Variants in BICRAL observed in about 807,000 individuals in gnomAD.
BICRAL encodes the protein BICRA like chromatin remodeling complex associated protein, also known as BRD4-interacting chromatin-remodeling complex-associated protein-like.
Under a neutral mutation model 91.8 loss-of-function variants are expected in BICRAL, and 8 were observed. The observed-to-expected ratio is 0.09, with a 90% CI of 0.05 to 0.16. The LOEUF (loss-of-function observed/expected upper bound fraction) is 0.16. BICRAL is among the 10% of genes least tolerant of loss of function. The probability of loss-of-function intolerance (pLI) is 1.00; values close to 1 mark genes in which losing one functional copy is unlikely to be tolerated. For synonymous variants in BICRAL, 445 were observed against 491.1 expected, an observed-to-expected ratio of 0.91 and a Z score of 1.24; for missense variants, 1,038 against 1,310.9, an observed-to-expected ratio of 0.79 and a Z score of 3.21.
At chr6:42,854,691 T>C (rs1026050872) in intron 8 of BICRAL, among the ~76,000 whole-genome samples, 8 of 151,996 alleles carry the variant, frequency 5.3e-5, no homozygotes, top group Admixed American at 2.0e-4. Context: ...CTAATATTTT[T>C]ATATTTTTTT....
chr6:42,814,388 T>TTA, intron 2 of BICRAL, among the ~76,000 whole-genome samples: 1 of 144,960 alleles, frequency 6.9e-6, no homozygotes, highest in East Asian at 2.0e-4. Flanking sequence ...TATATATAAA[T>TTA]TATATATATA....
At position 42,798,135 on chromosome 6, in the gene BICRAL, C is replaced by T. The variant is rs77011821; in HGVS notation, c.-101-12171C>T. Among the ~76,000 whole-genome samples, 641 of 151,354 alleles carry T rather than the reference C, an allele frequency of 4.2e-3. 4 individuals are homozygous for T. Among genetic ancestry groups the T allele is most frequent in the African/African-American group, 0.014 (596 of 41,268 alleles). ...TTCTCACTAATAAGTAGGAGCTAAA[C>T]AATGGTACGCATGGACATAAAGATG... is the stretch of plus-strand genomic sequence containing the variant. On this transcript the variant is annotated intron_variant, in intron 1 of 12. Coordinates refer to ENST00000314073, the MANE Select transcript of BICRAL (RefSeq NM_001393499.1).
At chr6:42,811,430 A>G (rs1028631217) in intron 2 of BICRAL, among the ~76,000 whole-genome samples, 5 of 152,012 alleles carry the variant, frequency 3.3e-5, no homozygotes, top group Non-Finnish European at 7.4e-5. Context: ...AGACCATCCT[A>G]GCCAACATGG....
At chr6:42,768,692 C>T (rs1302521535) in intron 1 of BICRAL, among the ~76,000 whole-genome samples, 1 of 152,182 alleles carries the variant, frequency 6.6e-6, no homozygotes, top group Non-Finnish European at 1.5e-5. Context: ...TGAGAATCTG[C>T]TTTCTTCCCC....
Position 42,828,721 on chromosome 6 carries a change from A to G in BICRAL, c.388A>G (p.Ile130Val). 6.2e-7 allele frequency: 1 copy of G among 1,614,206 alleles called. No individual in the cohort carries two copies. Among genetic ancestry groups the G allele is most frequent in the South Asian group, 1.1e-5 (1 of 91,088 alleles). Residue 130 changes from isoleucine (I) to valine (V), a missense_variant, in exon 6 of 13, where the codon ATA becomes GTA. Physicochemically the swap from Ile to Val is conservative, Grantham distance 29 (BLOSUM62 3). Coordinates refer to ENST00000314073, the MANE Select transcript of BICRAL (RefSeq NM_001393499.1). ...LAEEAYLDAS[I>V]GSSQQFAQAQ... ...AGAAGAGGCATATTTGGATGCCAGT[A>G]TAGGTTCAAGCCAACAGTTTGCACA...
chr6:42,845,693 A>C (rs1007026482), intron 6 of BICRAL, among the ~76,000 whole-genome samples: 1 of 152,018 alleles, frequency 6.6e-6, no homozygotes, highest in Non-Finnish European at 1.5e-5. Flanking sequence ...CAAACCAAGC[A>C]TTTAACAGCC....
At chr6:42,840,335 C>T (rs556272383) in intron 6 of BICRAL, among the ~76,000 whole-genome samples, 6 of 151,840 alleles carry the variant, frequency 4.0e-5, no homozygotes, top group South Asian at 2.1e-4. Flanking sequence ...CTCTGCCTCC[C>T]GGGTTCAAGC....
Position 42,852,300 on chromosome 6 carries a change from C to T in BICRAL, c.1945+103C>T, listed in dbSNP as rs141174137. On this transcript the variant is annotated intron_variant, in intron 7 of 12. Transcript: ENST00000314073. ...CGAAAGCTTTCTGGCTTAATCTCGT[C>T]TCCACTCCGATTATTCCTTTCTTTC... 1.2e-3 allele frequency: 905 copies of T among 741,456 alleles called. 5 individuals carry two copies. The African/African-American group carries it at 0.013, about 11-fold the overall frequency. 45.9% of individuals were successfully genotyped at this position (741,456 alleles called of 1,614,324 possible).
chr6:42,826,231 CTT>C (rs763034286), intron 5 of BICRAL, among the ~76,000 whole-genome samples: 43 of 116,832 alleles, frequency 3.7e-4, no homozygotes, highest in Admixed American at 4.4e-4. Flanking sequence ...AACTCATGTT[CTT>C]TTTTTTTTTT....
chr6:42,835,666 C>A (rs929892373), intron 6 of BICRAL, among the ~76,000 whole-genome samples: 2 of 152,150 alleles, frequency 1.3e-5, no homozygotes, highest in Non-Finnish European at 2.9e-5. Context: ...GTTGCGGTGT[C>A]TCATGCCTGT....
At chr6:42,753,537 T>C (rs1762413033) in intron 1 of BICRAL, among the ~76,000 whole-genome samples, 1 of 152,010 alleles carries the variant, frequency 6.6e-6, no homozygotes, top group African/African-American at 2.4e-5. Context: ...CTGGAGGAAA[T>C]GGTACTTAAA....
At chr6:42,776,822 C>G (rs1283007617) in intron 1 of BICRAL, among the ~76,000 whole-genome samples, 1 of 152,180 alleles carries the variant, frequency 6.6e-6, no homozygotes, top group African/African-American at 2.4e-5. Flanking sequence ...AGAGAGAACT[C>G]TAAACCATTA....
chr6:42,833,220 T>C (rs1764545981), intron 6 of BICRAL, among the ~76,000 whole-genome samples: 1 of 151,518 alleles, frequency 6.6e-6, no homozygotes, highest in African/African-American at 2.4e-5. Flanking sequence ...CATGCCTGGC[T>C]AGTTTTTTGT....
chr6:42,779,223 AACACACACACACACACACAC>A (rs57493144), upstream of BICRAL, among the ~76,000 whole-genome samples: 250 of 132,522 alleles, frequency 1.9e-3, no homozygotes, highest in Middle Eastern at 7.0e-3. Flanking sequence ...TCTCAAGAAA[AACACACACACACACACACAC>A]ACACACACAC....
chr6:42,813,775 C>T, intron 2 of BICRAL, among the ~76,000 whole-genome samples: 1 of 152,108 alleles, frequency 6.6e-6, no homozygotes. Flanking sequence ...CCCACTTCAG[C>T]CTCCCAAAGT....
At chr6:42,782,570 T>TC (rs1267125140) in intron 1 of BICRAL, among the ~76,000 whole-genome samples, 2 of 150,254 alleles carry the variant, frequency 1.3e-5, no homozygotes, top group Non-Finnish European at 3.0e-5. Context: ...TCCTTTTTTT[T>TC]CTTTTCCGCG....
intron 1 of BICRAL, among the ~76,000 whole-genome samples, chr6:42,756,761 G>C (rs534383729): frequency 5.5e-4 from 84 of 152,184 alleles, no homozygotes; most frequent in African/African-American, 1.9e-3. Context: ...ACTGGTACTG[G>C]AGCCTCCAAG....
intron 1 of BICRAL, among the ~76,000 whole-genome samples, chr6:42,750,796 T>C (rs1304424307): frequency 6.6e-6 from 1 of 151,774 alleles, no homozygotes; most frequent in Non-Finnish European, 1.5e-5. Flanking sequence ...CAGGCTGGTC[T>C]TGAACTCCTG....
At chr6:42,765,156 G>C (rs1762613716) in intron 1 of BICRAL, among the ~76,000 whole-genome samples, 1 of 152,224 alleles carries the variant, frequency 6.6e-6, no homozygotes. Flanking sequence ...TTGTGCTGCA[G>C]AGACTTTTCC....
Sources: allele counts gnomAD v4.1 joint callset (sites outside exome capture counted in the v4.1 genomes callset), GRCh38; gene constraint gnomAD v4.1.1; transcripts MANE v1.5; gene names NCBI Gene and HGNC (gene_info 2026-07-23, HGNC 2026-07-21).